EP400: variants seen among roughly 807,000 people sequenced by gnomAD.
EP400 encodes the protein E1A binding protein p400, also known as E1A-binding protein p400.
Under a neutral mutation model 354.1 loss-of-function variants are expected in EP400, and 105 were observed. The observed-to-expected ratio is 0.30, with a 90% CI of 0.25 to 0.35. EP400 has a LOEUF of 0.35. Among genes scored for constraint, EP400 ranks in the 10% least tolerant of loss-of-function variants. The probability of loss-of-function intolerance (pLI) is 1.00; values close to 1 mark genes in which losing one functional copy is unlikely to be tolerated. For synonymous variants in EP400, 1,646 were observed against 1,716.9 expected (o/e 0.96, Z 1.02); for missense variants, 3,280 against 4,121.0 (o/e 0.80, Z 5.59).
intron 2 of EP400, among the ~76,000 whole-genome samples, chr12:131,973,091 TG>T (rs1242697554): frequency 2.6e-5 from 4 of 152,278 alleles, no homozygotes; most frequent in Non-Finnish European, 5.9e-5. Flanking sequence ...TATACTTTTT[TG>T]TTTTGTTATT....
chr12:131,962,997 C>G (rs1891946481), intron 2 of EP400, among the ~76,000 whole-genome samples: 1 of 152,128 alleles, frequency 6.6e-6, no homozygotes, highest in African/African-American at 2.4e-5. Flanking sequence ...CAGGATGGAC[C>G]ATATTTGTTT....
intron 2 of EP400, 91 bp downstream of exon 2, chr12:131,962,045 G>C (rs1891902963): frequency 1.4e-6 from 2 of 1,431,042 alleles, no homozygotes; most frequent in Admixed American, 2.4e-5. Flanking sequence ...TATTGAGCCT[G>C]CGGTATTTCT....
intron 39 of EP400, among the ~76,000 whole-genome samples, chr12:132,049,182 C>T (rs775620088): frequency 7.2e-5 from 11 of 152,202 alleles, no homozygotes; most frequent in Non-Finnish European, 1.2e-4. Flanking sequence ...CCATGCGGGG[C>T]GGGGCATTCA....
rs1453751727 is a variant in EP400, at chr12:132,075,992, A to T, written c.9022-524A>T. 2 of 209,794 alleles carry T rather than the reference A, an allele frequency of 9.5e-6. No individual in the cohort carries two copies. The highest frequency in any genetic ancestry group is 2.0e-5 in the Non-Finnish European group (2 of 101,560). 13.0% of individuals were successfully genotyped at this position (209,794 alleles called of 1,614,324 possible). A position where few individuals can be genotyped will look rare whatever the true frequency, so the allele number is the denominator to read the frequency against. ...GCACAGAAAGTGGGCACTGGGTGGA[A>T]AGTGTTGCTTTATAAATAGCCAGAT... On this transcript the variant is annotated intron_variant, in intron 51 of 52. Transcript: ENST00000389561. The surrounding 1 kb of genome is among the most constrained non-coding windows in gnomAD (Gnocchi z 4.5).
At chr12:132,034,430 G>T (rs1446489024) in intron 30 of EP400, among the ~76,000 whole-genome samples, 1 of 152,188 alleles carries the variant, frequency 6.6e-6, no homozygotes, top group Admixed American at 6.5e-5. Context: ...ATATATTTTT[G>T]TGAAAACGCT....
chr12:132,063,500 C>T (rs762473982), intron 47 of EP400, among the ~76,000 whole-genome samples: 11 of 150,012 alleles, frequency 7.3e-5, no homozygotes, highest in Non-Finnish European at 1.3e-4. Flanking sequence ...GACTGTGTCT[C>T]AAAGGAAAAA....
intron 51 of EP400, among the ~76,000 whole-genome samples, chr12:132,074,322 C>T (rs1896162769): frequency 6.6e-6 from 1 of 152,144 alleles, no homozygotes; most frequent in South Asian, 2.1e-4. Flanking sequence ...TTCTCTCTTC[C>T]AGGGTCACCT....
In EP400 at chr12:132,073,918, G is replaced by GTTT. The variant is rs1565937522; in HGVS notation, c.9022-2598_9022-2597insTTT. On this transcript the variant is annotated intron_variant, in intron 51 of 52. Coordinates refer to ENST00000389561, the MANE Select transcript of EP400 (RefSeq NM_015409.5). ...ATTCCGGATTGGCATTGTTTTTTGG[G>GTTT]GTTTTTTTTTTTTTTTTTTTTTTTT... 8.2e-5 allele frequency among the ~76,000 whole-genome samples: 10 copies of GTTT among 121,238 alleles called. No homozygotes were observed. The South Asian group carries it at 1.3e-3, about 16-fold the overall frequency. The allele number at this position is 121,238 out of a possible 152,430, so 79.5% of individuals were successfully genotyped here. A position where few individuals can be genotyped will look rare whatever the true frequency, so the allele number is the denominator to read the frequency against.
intron 15 of EP400, among the ~76,000 whole-genome samples, chr12:132,010,770 C>T (rs1306763773): frequency 1.3e-5 from 2 of 152,078 alleles, no homozygotes; most frequent in Admixed American, 1.3e-4. Flanking sequence ...GGTGACACCC[C>T]GTCTCTACTA....
intron 32 of EP400, among the ~76,000 whole-genome samples, chr12:132,039,229 G>T (rs771245308): frequency 2.9e-4 from 44 of 152,214 alleles, no homozygotes; most frequent in Admixed American, 4.6e-4. Context: ...GTCTGTCTGT[G>T]TTGCTGTAAA....
chr12:132,029,560 A>C lies in EP400; in HGVS notation c.5382-141A>C, dbSNP rs547371270. On this transcript the variant is annotated intron_variant, in intron 27 of 52. Transcript: ENST00000389561. The surrounding 1 kb of genome is among the most constrained non-coding windows in gnomAD (Gnocchi z 4.7). ...GGCCCCTGCCCGTGTGCCAACACCC[A>C]CATCCCCATGTGACTGGGTTGAGCC... The C allele has an allele frequency of 1.6e-5, 15 of 927,172 alleles. No homozygotes were observed. In the East Asian group the frequency reaches 3.5e-4, roughly 22 times the overall value. The allele number at this position is 927,172 out of a possible 1,614,324, so 57.4% of individuals were successfully genotyped here. A position where few individuals can be genotyped will look rare whatever the true frequency, so the allele number is the denominator to read the frequency against.
intron 12 of EP400, among the ~76,000 whole-genome samples, chr12:132,002,352 AT>A (rs949215040): frequency 3.3e-5 from 5 of 152,072 alleles, no homozygotes; most frequent in Admixed American, 1.3e-4. Context: ...TTTACAAATT[AT>A]TTCATTTCCT....
At chr12:132,051,888 C>T (rs973073675) in intron 41 of EP400, among the ~76,000 whole-genome samples, 3 of 152,136 alleles carry the variant, frequency 2.0e-5, no homozygotes, top group Admixed American at 6.5e-5. Flanking sequence ...TGCTAGACCA[C>T]GGTCCGCTTG....
intron 1 of EP400, among the ~76,000 whole-genome samples, chr12:131,954,602 G>A (rs894503397): frequency 1.3e-5 from 2 of 151,484 alleles, no homozygotes; most frequent in South Asian, 4.2e-4. Context: ...GTGTACGCCT[G>A]TAATCCCAGC....
intron 24 of EP400, among the ~76,000 whole-genome samples, chr12:132,024,532 T>C (rs186588682): frequency 3.8e-4 from 58 of 152,270 alleles, no homozygotes; most frequent in Non-Finnish European, 6.3e-4. Flanking sequence ...GCCCAGACCT[T>C]TGGTGAAGAG....
At position 132,038,100 on chromosome 12, in the gene EP400, AGAATACATT is replaced by A. The variant is rs532409864; in HGVS notation, c.6207+9_6207+17del. 2,484 of 1,614,180 alleles carry A rather than the reference AGAATACATT, an allele frequency of 1.5e-3. 25 individuals are homozygous for A. The African/African-American group carries it at 0.029, about 19-fold the overall frequency. ...AATTGCAAGACCTTTCATAGAGGTA[AGAATACATT>A]GAATCTGGCTGAAGAGTTGCACGGT... On this transcript the variant is annotated splice_donor_5th_base_variant and intron_variant, in intron 32 of 52. Coordinates refer to ENST00000389561, the MANE Select transcript of EP400 (RefSeq NM_015409.5). The surrounding 1 kb of genome is among the most constrained non-coding windows in gnomAD (Gnocchi z 4.2).
intron 12 of EP400, among the ~76,000 whole-genome samples, chr12:131,999,979 CTTT>C (rs879423130): frequency 2.5e-5 from 3 of 120,036 alleles, no homozygotes; most frequent in African/African-American, 3.0e-5. Context: ...TTGTCAGATT[CTTT>C]TTTTTTTTTT....
chr12:132,033,096 C>T (rs191314278), intron 30 of EP400, among the ~76,000 whole-genome samples: 49 of 152,066 alleles, frequency 3.2e-4, no homozygotes, highest in East Asian at 1.2e-3. Context: ...TACAGGTGCG[C>T]GCCACCATGC....
chr12:131,993,083 C>G (rs965051078), intron 11 of EP400, among the ~76,000 whole-genome samples: 1 of 152,164 alleles, frequency 6.6e-6, no homozygotes, highest in Non-Finnish European at 1.5e-5. Flanking sequence ...GCACATGGCC[C>G]AGGACTGGCA....
Sources: gnomAD v4.1 joint callset for allele counts (sites outside exome capture counted in the v4.1 genomes callset) on GRCh38, gnomAD v4.1.1 for gene constraint, Gnocchi (gnomAD v3.1) non-coding constraint, MANE v1.5 for transcripts, NCBI Gene and HGNC (gene_info 2026-07-23, HGNC 2026-07-21) for gene names.